Variants in OR4K17 observed in about 807,000 individuals in gnomAD.
OR4K17 encodes olfactory receptor 4K17.
For synonymous variants in OR4K17, 157 were observed against 132.8 expected, an observed-to-expected ratio of 1.18 and a Z score of -1.25; for missense variants, 480 against 366.3, an observed-to-expected ratio of 1.31 and a Z score of -2.53.
At chr14:20,113,125 C>T (rs1877916168) in intron 1 of OR4K17, among the ~76,000 whole-genome samples, 1 of 151,846 alleles carries the variant, frequency 6.6e-6, no homozygotes, top group African/African-American at 2.4e-5. Flanking sequence ...TTACAGCAAT[C>T]CCATGCCAAA....
rs1004220172 is a variant in OR4K17 at position 20,120,909 on chromosome 14, A to G, written c.*2471A>G. The G allele has an allele frequency of 6.6e-6, 1 of 152,266 alleles. No individual in the cohort carries two copies. Among genetic ancestry groups the G allele is most frequent in the African/African-American group, 2.4e-5 (1 of 41,456 alleles). The allele number at this position is 152,266 out of a possible 1,614,324, so 9.4% of individuals were successfully genotyped here. The stretch of plus-strand genomic sequence containing the variant: ...AAGGACTTTAGCAGCCCTAGCCACC[A>G]AAGACCACAACAATTTTTGTCACCA... On this transcript the variant is annotated 3_prime_UTR_variant, in exon 2 of 2. Coordinates refer to ENST00000641386, the MANE Select transcript of OR4K17 (RefSeq NM_001004715.5).
In OR4K17 at chr14:20,117,757, A is replaced by G. The variant is rs1464133266; in HGVS notation, c.258A>G (p.Leu86=). The change falls in exon 2 of 2, where the codon TTA becomes TTG. Residue 86 remains leucine, a synonymous_variant. Coordinates refer to ENST00000641386, the MANE Select transcript of OR4K17 (RefSeq NM_001004715.5). ...CCCCTAAGGTGATTCTGAACTTGTT[A>G]AAAAAGCAGAAGGTAATTTCTTTTG... ...FATPKVILNL[L]KKQKVISFAG... The G allele has an allele frequency of 6.2e-7, 1 of 1,614,120 alleles. No individual in the cohort carries two copies. The highest frequency in any genetic ancestry group is 1.7e-5 in the Admixed American group (1 of 60,018).
chr14:20,111,313 C>A (rs1877878953), intron 1 of OR4K17, among the ~76,000 whole-genome samples: 2 of 151,910 alleles, frequency 1.3e-5, no homozygotes, highest in Admixed American at 1.3e-4. Flanking sequence ...TATGAGGGTA[C>A]AGAGGAGAGA....
intron 1 of OR4K17, 192 bp from the exon 2 acceptor site, chr14:20,117,276 T>C: frequency 4.8e-6 from 3 of 628,514 alleles, no homozygotes; most frequent in Non-Finnish European, 8.2e-6. Context: ...CATCAATAGG[T>C]CATTGCTCTT....
chr14:20,116,267 CTA>C (rs1273009362), intron 1 of OR4K17, among the ~76,000 whole-genome samples: 1 of 152,098 alleles, frequency 6.6e-6, no homozygotes, highest in Non-Finnish European at 1.5e-5. Context: ...TCAATCTGAC[CTA>C]TCTTTTTTAT....
In OR4K17 at chr14:20,119,433, C is replaced by T. The variant is rs947936007; in HGVS notation, c.*995C>T. ...AAGTGATAAATGTCCATGAAATTTT[C>T]ACAATTTATGTTCAGAGATTGTAGT... On this transcript the variant is annotated 3_prime_UTR_variant, in exon 2 of 2. Coordinates refer to ENST00000641386, the MANE Select transcript of OR4K17 (RefSeq NM_001004715.5). 6.6e-6 allele frequency: 1 copy of T among 152,148 alleles called. No homozygotes were observed. Among genetic ancestry groups the T allele is most frequent in the African/African-American group, 2.4e-5 (1 of 41,430 alleles). 9.4% of individuals were successfully genotyped at this position (152,148 alleles called of 1,614,324 possible).
intron 1 of OR4K17, among the ~76,000 whole-genome samples, chr14:20,115,973 A>G (rs1877982519): frequency 6.6e-6 from 1 of 152,180 alleles, no homozygotes; most frequent in African/African-American, 2.4e-5. Flanking sequence ...AACAAGTAAT[A>G]AAACTCTGAA....
Position 20,118,098 on chromosome 14 carries a change from T to C in OR4K17, c.599T>C (p.Val200Ala), listed in dbSNP as rs754233056. 1 of 1,613,998 alleles carries C rather than the reference T, an allele frequency of 6.2e-7. No individual in the cohort carries two copies. The change falls in exon 2 of 2, where the codon GTT becomes GCT. Residue 200 changes from valine (V) to alanine (A), a missense_variant. Val to Ala is a moderately conservative substitution (Grantham distance 64, BLOSUM62 0). Coordinates refer to ENST00000641386, the MANE Select transcript of OR4K17 (RefSeq NM_001004715.5). ...IDIYFVQVVIVANSGIISLSC... is the reference protein window; with the variant it reads ...IDIYFVQVVIAANSGIISLSC... ...ATATATTTTGTACAGGTAGTCATTG[T>C]TGCCAACAGTGGCATAATCTCCCTG...
In OR4K17 at chr14:20,118,481, C is replaced by T. The variant is rs761427065; in HGVS notation, c.*43C>T. 2.6e-6 allele frequency: 3 copies of T among 1,156,670 alleles called. No homozygotes were observed. Among genetic ancestry groups the T allele is most frequent in the Non-Finnish European group, 3.7e-6 (3 of 809,200 alleles). The allele number at this position is 1,156,670 out of a possible 1,614,324, so 71.7% of individuals were successfully genotyped here. ...AGAGGCCGGGCATGGTGGCTGATGC[C>T]TGTAATCCCCACACTTTGGGAGGAA... On this transcript the variant is annotated 3_prime_UTR_variant, in exon 2 of 2. Transcript: ENST00000641386.
chr14:20,122,184 G>A lies in OR4K17; in HGVS notation c.*3746G>A, dbSNP rs957553486. On this transcript the variant is annotated 3_prime_UTR_variant, in exon 2 of 2. Coordinates refer to ENST00000641386, the MANE Select transcript of OR4K17 (RefSeq NM_001004715.5). The stretch of plus-strand genomic sequence containing the variant: ...CACAGAGTGGCTAAATGAATAAAAA[G>A]ATAAAACCCAACTACATACTGCCTC... 2 of 151,900 alleles carry A rather than the reference G, an allele frequency of 1.3e-5. No individual in the cohort carries two copies. The highest frequency in any genetic ancestry group is 2.1e-4 in the South Asian group (1 of 4,830). 9.4% of individuals were successfully genotyped at this position (151,900 alleles called of 1,614,324 possible).
In OR4K17 at chr14:20,118,397, A is replaced by G. The variant is rs776240664; in HGVS notation, c.898A>G (p.Lys300Glu). ...CAAAGAAATGAAGATATCCATGAAA[A>G]AACTCTGGAGAGCTTTTGTGAATTC... is the stretch of plus-strand genomic sequence containing the variant. ...RNKEMKISMKKLWRAFVNSRE... is the reference protein window; with the variant it reads ...RNKEMKISMKELWRAFVNSRE... Residue 300 changes from lysine to glutamate, a missense_variant, in exon 2 of 2, where the codon AAA becomes GAA. Transcript: ENST00000641386. The G allele has an allele frequency of 4.4e-6, 7 of 1,607,202 alleles. No homozygotes were observed. The South Asian group carries it at 6.7e-5, about 15-fold the overall frequency.
chr14:20,121,405 A>G lies in OR4K17; in HGVS notation c.*2967A>G, dbSNP rs907778845. ...GGAAATTTGATGAAGAGATTGAAAT[A>G]GTTTTTAAAATTCCAGAAATTTGTT... On this transcript the variant is annotated 3_prime_UTR_variant, in exon 2 of 2. Transcript: ENST00000641386. 3 of 152,218 alleles carry G rather than the reference A, an allele frequency of 2.0e-5. No individual in the cohort carries two copies. Among genetic ancestry groups the G allele is most frequent in the Non-Finnish European group, 4.4e-5 (3 of 68,032 alleles). 9.4% of individuals were successfully genotyped at this position (152,218 alleles called of 1,614,324 possible). A position where few individuals can be genotyped will look rare whatever the true frequency, so the allele number is the denominator to read the frequency against.
chr14:20,118,365 T>C lies in OR4K17; in HGVS notation c.866T>C (p.Leu289Pro). The change falls in exon 2 of 2, where the codon CTG (leucine) becomes CCG (proline). Residue 289 changes from leucine (L) to proline (P), a missense_variant. By Grantham distance (98) the Leu-to-Pro change is moderately conservative (BLOSUM62 -3). Coordinates refer to ENST00000641386, the MANE Select transcript of OR4K17 (RefSeq NM_001004715.5). ...ATCTTGAATCCAATTATCTATACTCTGAGAAACAAAGAAATGAAGATATCC... is the reference window on the plus strand; with the variant it reads ...ATCTTGAATCCAATTATCTATACTCCGAGAAACAAAGAAATGAAGATATCC... Reference protein sequence around the residue: ...TPILNPIIYTLRNKEMKISMK... With the variant: ...TPILNPIIYTPRNKEMKISMK... 6.2e-7 allele frequency: 1 copy of C among 1,610,646 alleles called. No individual in the cohort carries two copies. Among genetic ancestry groups the C allele is most frequent in the Non-Finnish European group, 8.5e-7 (1 of 1,177,438 alleles).
In OR4K17 at chr14:20,120,420, A is replaced by G. The variant is rs995650675; in HGVS notation, c.*1982A>G. 6.6e-6 allele frequency: 1 copy of G among 152,212 alleles called. No homozygotes were observed. The highest frequency in any genetic ancestry group is 6.5e-5 in the Admixed American group (1 of 15,282). 9.4% of individuals were successfully genotyped at this position (152,212 alleles called of 1,614,324 possible). On this transcript the variant is annotated 3_prime_UTR_variant, in exon 2 of 2. Coordinates refer to ENST00000641386, the MANE Select transcript of OR4K17 (RefSeq NM_001004715.5). ...TCCCCATGTATTTCAATTCAAAAAA[A>G]CTGTGTGTCTGACTCCAAAAAGAAA...
Position 20,118,153 on chromosome 14 carries a change from C to A in OR4K17, c.654C>A (p.Tyr218Ter). ...GTTTCATTATTTTGCTTATCTCCTACAGTCTGATCCTCATAACCATTAAGA... is the reference window on the plus strand; with the variant it reads ...GTTTCATTATTTTGCTTATCTCCTAAAGTCTGATCCTCATAACCATTAAGA... The part of the protein sequence containing the change: ...LSCFIILLIS[Y>*]SLILITIKNH... The change falls in exon 2 of 2, where the codon TAC becomes TAA. Residue 218 changes from tyrosine to a stop codon, truncating the protein, a stop_gained. Transcript: ENST00000641386. LOFTEE classifies it low-confidence loss of function (END_TRUNC). 3.1e-6 allele frequency: 5 copies of A among 1,614,094 alleles called. No individual in the cohort carries two copies. The African/African-American group carries it at 4.0e-5, about 13-fold the overall frequency.
rs759240258 is a variant in OR4K17 at position 20,118,212 on chromosome 14, C to G, written c.713C>G (p.Ser238Cys). 6.2e-7 allele frequency: 1 copy of G among 1,613,856 alleles called. No homozygotes were observed. Among genetic ancestry groups the G allele is most frequent in the East Asian group, 2.2e-5 (1 of 44,874 alleles). ...CCTACTGGGCAATCTAAAGCCCGTT[C>G]CACTTTGACTGCTCACATCACAGTG... is the stretch of plus-strand genomic sequence containing the variant. ...HSPTGQSKARSTLTAHITVVI... is the reference protein window; with the variant it reads ...HSPTGQSKARCTLTAHITVVI... The change falls in exon 2 of 2, where the codon TCC becomes TGC. Residue 238 changes from serine to cysteine, a missense_variant. Transcript: ENST00000641386.
rs916046788 is a variant in OR4K17, at chr14:20,118,026, G to A, written c.527G>A (p.Ser176Asn). ...TTTTGTGGTCCCAATGTGGTAGACA[G>A]CATTTTTTGTGACCTCCCTTTGGTT... is the stretch of plus-strand genomic sequence containing the variant. The part of the protein sequence containing the change: ...LPFCGPNVVD[S>N]IFCDLPLVTK... Residue 176 changes from serine (S) to asparagine (N), a missense_variant, in exon 2 of 2, where the codon AGC becomes AAC. Transcript: ENST00000641386. 6.2e-7 allele frequency: 1 copy of A among 1,614,012 alleles called. No individual in the cohort carries two copies. The highest frequency in any genetic ancestry group is 1.3e-5 in the African/African-American group (1 of 74,896).
chr14:20,121,636 A>G lies in OR4K17; in HGVS notation c.*3198A>G, dbSNP rs1184665127. ...AACCTATAGAGCATTTACAAAAACA[A>G]AAAAAATAAAAAATCAAAGCATATG... On this transcript the variant is annotated 3_prime_UTR_variant, in exon 2 of 2. Transcript: ENST00000641386. 2 of 152,120 alleles carry G rather than the reference A, an allele frequency of 1.3e-5. No homozygotes were observed. Among genetic ancestry groups the G allele is most frequent in the East Asian group, 3.9e-4 (2 of 5,176 alleles). 9.4% of individuals were successfully genotyped at this position (152,120 alleles called of 1,614,324 possible).
Position 20,119,170 on chromosome 14 carries a change from G to A in OR4K17, c.*732G>A, listed in dbSNP as rs1182198027. 4 of 152,182 alleles carry A rather than the reference G, an allele frequency of 2.6e-5. No individual in the cohort carries two copies. Among genetic ancestry groups the A allele is most frequent in the African/African-American group, 7.2e-5 (3 of 41,432 alleles). 9.4% of individuals were successfully genotyped at this position (152,182 alleles called of 1,614,324 possible). On this transcript the variant is annotated 3_prime_UTR_variant, in exon 2 of 2. Coordinates refer to ENST00000641386, the MANE Select transcript of OR4K17 (RefSeq NM_001004715.5). The stretch of plus-strand genomic sequence containing the variant: ...ATGACTCTGTTCCACCCAGCTCCCA[G>A]GCAGTCAGACCTAATGGTTATCTCT...
Sources: gnomAD v4.1 joint callset for allele counts (sites outside exome capture counted in the v4.1 genomes callset) on GRCh38, gnomAD v4.1.1 for gene constraint, MANE v1.5 for transcripts, NCBI Gene and HGNC (gene_info 2026-07-23, HGNC 2026-07-21) for gene names.